Variants in PRICKLE2 observed in about 807,000 individuals in gnomAD.
The protein encoded by PRICKLE2 is prickle-like protein 2.
In PRICKLE2, 21 loss-of-function variants were observed where a neutral mutation model predicts 81.4. The observed-to-expected ratio is 0.26, with a 90% CI of 0.18 to 0.37. PRICKLE2 has a LOEUF of 0.37. Ranked by LOEUF, PRICKLE2 falls within the 10% of genes least tolerant of loss-of-function variation. The pLI, the probability that PRICKLE2 is intolerant of heterozygous loss-of-function variation, is 1.00. For synonymous variants in PRICKLE2, 456 were observed against 421.5 expected, an observed-to-expected ratio of 1.08 and a Z score of -1.00; for missense variants, 940 against 1,109.0, an observed-to-expected ratio of 0.85 and a Z score of 2.16.
chr3:64,256,023 G>T (rs1194333842), intron 2 of PRICKLE2, among the ~76,000 whole-genome samples: 1 of 152,170 alleles, frequency 6.6e-6, no homozygotes, highest in Non-Finnish European at 1.5e-5. Flanking sequence ...TAGTGAAGCT[G>T]CTAGACTAGC....
chr3:64,151,868 A>G (rs1204132942), intron 6 of PRICKLE2, among the ~76,000 whole-genome samples: 1 of 152,120 alleles, frequency 6.6e-6, no homozygotes, highest in African/African-American at 2.4e-5. Context: ...ACAGGCTGTG[A>G]GAGGGGTGAG....
chr3:64,181,803 T>C (rs2078139937), intron 2 of PRICKLE2, among the ~76,000 whole-genome samples: 1 of 152,320 alleles, frequency 6.6e-6, no homozygotes, highest in African/African-American at 2.4e-5. Flanking sequence ...CAAAATTATA[T>C]CTTACTTTGG....
chr3:64,232,532 T>C (rs1344042333), intron 2 of PRICKLE2, among the ~76,000 whole-genome samples: 1 of 140,530 alleles, frequency 7.1e-6, no homozygotes, highest in Admixed American at 7.2e-5. Flanking sequence ...CTTTCCCTCC[T>C]ACCCTCTGGC....
At chr3:64,189,663 C>T (rs754335129) in intron 2 of PRICKLE2, among the ~76,000 whole-genome samples, 18 of 152,176 alleles carry the variant, frequency 1.2e-4, no homozygotes, top group Admixed American at 3.3e-4. Flanking sequence ...TGTTTATTCA[C>T]GCAAACCCTG....
At position 64,093,341 on chromosome 3, in the gene PRICKLE2, G is replaced by A. The variant is rs989989525; in HGVS notation, c.*5710C>T. ...TGCTTTTATGAATATGGGTGTACAA[G>A]TATCTCTTTGGAGACCCTGCTGTCA... On this transcript the variant is annotated 3_prime_UTR_variant, in exon 8 of 8. Transcript: ENST00000638394. The A allele has an allele frequency of 2.6e-5, 4 of 152,270 alleles. No homozygotes were observed. Among genetic ancestry groups the A allele is most frequent in the African/African-American group, 4.8e-5 (2 of 41,460 alleles). 9.4% of individuals were successfully genotyped at this position (152,270 alleles called of 1,614,324 possible).
Position 64,147,461 on chromosome 3 carries a change from G to A in PRICKLE2, c.1029C>T (p.Asn343=), listed in dbSNP as rs761716327. ...GCATGGGCTCCTCCGTCTTGCCCTTGTTCTTGCCAATTTTGGCACTGCGCC... is the reference window on the plus strand; with the variant it reads ...GCATGGGCTCCTCCGTCTTGCCCTTATTCTTGCCAATTTTGGCACTGCGCC... ...ESRRSAKIGK[N]KGKTEEPMLN... The change falls in exon 7 of 8, where the codon AAC becomes AAT. Residue 343 remains asparagine (N), a synonymous_variant. Transcript: ENST00000638394. This position sits in a 1 kb window ranked among gnomAD's most constrained non-coding sequence, Gnocchi z 5.0. 23 of 1,614,122 alleles carry A rather than the reference G, an allele frequency of 1.4e-5. No homozygotes were observed. The highest frequency in any genetic ancestry group is 1.9e-5 in the Non-Finnish European group (22 of 1,180,062).
At chr3:64,161,517 C>T (rs1462537492) in intron 3 of PRICKLE2, among the ~76,000 whole-genome samples, 1 of 152,142 alleles carries the variant, frequency 6.6e-6, no homozygotes, top group Non-Finnish European at 1.5e-5. Context: ...TTTAGAATCA[C>T]AATCACCCTT....
At chr3:64,221,656 G>C (rs939668138) in intron 1 of PRICKLE2, among the ~76,000 whole-genome samples, 1 of 152,138 alleles carries the variant, frequency 6.6e-6, no homozygotes, top group African/African-American at 2.4e-5. Flanking sequence ...GTCATGGAGG[G>C]AATGAACAGA....
chr3:64,238,358 C>T (rs1017775575), intron 2 of PRICKLE2, among the ~76,000 whole-genome samples: 3 of 151,770 alleles, frequency 2.0e-5, no homozygotes, highest in African/African-American at 7.3e-5. Flanking sequence ...CATGATGGTG[C>T]CTGCCTGTAG....
At chr3:64,227,711 T>C (rs751157500), upstream of PRICKLE2, among the ~76,000 whole-genome samples, 5 of 152,168 alleles carry the variant, frequency 3.3e-5, no homozygotes, top group Non-Finnish European at 7.3e-5. Flanking sequence ...CCTACCTGCA[T>C]GGGGCCATTG....
At chr3:64,142,041 G>A in intron 7 of PRICKLE2, 1 of 702,862 alleles carries the variant, frequency 1.4e-6, no homozygotes, top group Middle Eastern at 7.2e-4. Context: ...TAAACAGTGA[G>A]GGACAGCAGC....
intron 7 of PRICKLE2, chr3:64,146,426 C>A: frequency 4.2e-6 from 1 of 238,154 alleles, no homozygotes; most frequent in South Asian, 5.9e-5. Flanking sequence ...TAGAAGAGGG[C>A]ACGTGGCAGA....
chr3:64,259,357 C>T lies in PRICKLE2; in HGVS notation c.129-60390G>A, dbSNP rs141534588. Among the ~76,000 whole-genome samples the T allele has an allele frequency of 1.3e-3, 198 of 152,218 alleles. 1 individual carries two copies. The highest frequency in any genetic ancestry group is 4.2e-3 in the African/African-American group (174 of 41,520). The stretch of plus-strand genomic sequence containing the variant: ...GCCTAGGAAGTATACAGGTATATCC[C>T]ACTAACAGCTGAGGACACTGAAGTT... On this transcript the variant is annotated intron_variant, in intron 2 of 8. Coordinates refer to the PRICKLE2 transcript ENST00000295902.
chr3:64,163,382 C>G, intron 2 of PRICKLE2: 1 of 538,342 alleles, frequency 1.9e-6, no homozygotes, highest in Admixed American at 3.1e-5. Flanking sequence ...AGTAAATTTT[C>G]CTAGAAACAG....
chr3:64,116,841 T>C (rs2076942293), intron 7 of PRICKLE2, among the ~76,000 whole-genome samples: 1 of 152,158 alleles, frequency 6.6e-6, no homozygotes, highest in Non-Finnish European at 1.5e-5. Context: ...CCCTAACTTA[T>C]TCTATGAGGC....
intron 2 of PRICKLE2, among the ~76,000 whole-genome samples, chr3:64,237,040 C>T (rs559756860): frequency 2.6e-5 from 4 of 152,284 alleles, no homozygotes; most frequent in African/African-American, 9.6e-5. Flanking sequence ...GCTCTCAACG[C>T]CTCACAGGAT....
intron 7 of PRICKLE2, among the ~76,000 whole-genome samples, chr3:64,135,124 T>C (rs2077258397): frequency 6.6e-6 from 1 of 151,670 alleles, no homozygotes; most frequent in Non-Finnish European, 1.5e-5. Context: ...CAGATTTGAG[T>C]GGGTTGGATA....
chr3:64,170,715 A>C (rs1451823374), intron 2 of PRICKLE2, among the ~76,000 whole-genome samples: 22 of 150,040 alleles, frequency 1.5e-4, no homozygotes, highest in Middle Eastern at 3.4e-3. Context: ...AAAAAAAAAA[A>C]AAAAAAAAAA....
chr3:64,163,976 G>C (rs902367693), intron 2 of PRICKLE2: 1 of 150,100 alleles, frequency 6.7e-6, no homozygotes, highest in African/African-American at 2.4e-5. Flanking sequence ...TGACATCATG[G>C]AAAATACTCT....
Sources: allele counts gnomAD v4.1 joint callset (sites outside exome capture counted in the v4.1 genomes callset), GRCh38; gene constraint gnomAD v4.1.1; non-coding constraint Gnocchi (gnomAD v3.1); transcripts MANE v1.5; gene names NCBI Gene and HGNC (gene_info 2026-07-23, HGNC 2026-07-21).